The following TCF7L1 variants were observed in gnomAD, a reference collection of about 807,000 sequenced individuals.
The protein encoded by TCF7L1 is transcription factor 7-like 1.
A neutral mutation model predicts 63.7 loss-of-function variants in TCF7L1; 18 were observed. The observed-to-expected ratio is 0.28, with a 90% CI of 0.20 to 0.42. TCF7L1 has a LOEUF of 0.42. Ranked by LOEUF, TCF7L1 falls within the 10% of genes least tolerant of loss-of-function variation. The probability of loss-of-function intolerance (pLI) is 1.00; values close to 1 mark genes in which losing one functional copy is unlikely to be tolerated. For missense variants in TCF7L1, 654 were observed against 779.3 expected, an observed-to-expected ratio of 0.84 and a Z score of 1.91; for synonymous variants, 355 against 340.9, an observed-to-expected ratio of 1.04 and a Z score of -0.46.
At chr2:85,268,281 GACCGCTAATTGCCT>G (rs958538985) in intron 3 of TCF7L1, among the ~76,000 whole-genome samples, 1 of 152,128 alleles carries the variant, frequency 6.6e-6, no homozygotes, top group Non-Finnish European at 1.5e-5. Flanking sequence ...CCAGGAGTGT[GACCGCTAATTGCCT>G]TTGCAGACAA....
intron 3 of TCF7L1, among the ~76,000 whole-genome samples, chr2:85,246,569 G>T (rs1005099687): frequency 6.6e-6 from 1 of 152,170 alleles, no homozygotes; most frequent in Non-Finnish European, 1.5e-5. Context: ...TGAGGTGATG[G>T]ATTTGCCCCT....
At chr2:85,205,588 G>A (rs1679388928) in intron 3 of TCF7L1, among the ~76,000 whole-genome samples, 1 of 151,156 alleles carries the variant, frequency 6.6e-6, no homozygotes, top group South Asian at 2.1e-4. Flanking sequence ...CTGGAGTACA[G>A]TGGTGTAATC....
At chr2:85,173,883 C>T (rs763015285) in intron 3 of TCF7L1, among the ~76,000 whole-genome samples, 4 of 152,024 alleles carry the variant, frequency 2.6e-5, no homozygotes, top group African/African-American at 7.2e-5. Flanking sequence ...ATTACAGACC[C>T]GCACCACCAC....
intron 11 of TCF7L1, among the ~76,000 whole-genome samples, chr2:85,308,243 G>T (rs181330168): frequency 3.3e-5 from 5 of 152,042 alleles, no homozygotes; most frequent in Non-Finnish European, 5.9e-5. Context: ...ACACTGTGAC[G>T]ATTATTATTA....
intron 3 of TCF7L1, among the ~76,000 whole-genome samples, chr2:85,225,066 G>A (rs1342702041): frequency 6.6e-6 from 1 of 152,106 alleles, no homozygotes; most frequent in Non-Finnish European, 1.5e-5. Context: ...TTTTTGTCAG[G>A]TTTGTCAAAG....
chr2:85,133,715 GGC>G lies in TCF7L1; in HGVS notation c.33_34del (p.Gly12ArgfsTer43). The G allele has an allele frequency of 1.8e-6, 2 of 1,137,086 alleles. No individual in the cohort carries two copies. The highest frequency in any genetic ancestry group is 8.5e-5 in the South Asian group (2 of 23,526). 70.4% of individuals were successfully genotyped at this position (1,137,086 alleles called of 1,614,324 possible). On this transcript the variant is annotated frameshift_variant, in exon 1 of 12. Transcript: ENST00000282111. LOFTEE classifies it high-confidence loss of function. The surrounding 1 kb of genome is among the most constrained non-coding windows in gnomAD (Gnocchi z 4.4). MPQLGGGGGG[G>X]GGGSGGGGGS... ...CCAGCTCGGCGGCGGGGGCGGCGGC[GGC>G]GGCGGCGGCAGCGGGGGAGGCGGCG...
At chr2:85,192,746 C>T (rs2104266934) in intron 3 of TCF7L1, among the ~76,000 whole-genome samples, 1 of 151,250 alleles carries the variant, frequency 6.6e-6, no homozygotes, top group East Asian at 1.9e-4. Flanking sequence ...GTGATCACAG[C>T]TCATTGCAAC....
intron 3 of TCF7L1, among the ~76,000 whole-genome samples, chr2:85,255,055 C>T (rs1382323651): frequency 1.3e-5 from 2 of 152,168 alleles, no homozygotes; most frequent in Non-Finnish European, 2.9e-5. Context: ...AAGCAGCATA[C>T]AGAGAGATCG....
chr2:85,276,446 A>G (rs1681271914), intron 3 of TCF7L1, among the ~76,000 whole-genome samples: 1 of 152,210 alleles, frequency 6.6e-6, no homozygotes, highest in African/African-American at 2.4e-5. Context: ...ACATTATTCA[A>G]AATGCTCTCC....
At chr2:85,236,172 C>CT (rs199863668) in intron 3 of TCF7L1, among the ~76,000 whole-genome samples, 1,394 of 134,638 alleles carry the variant, frequency 0.01, 20 homozygotes, top group African/African-American at 0.051. Context: ...CATCCCCCCC[C>CT]CAAAAAAAAC....
chr2:85,247,695 A>G (rs914301256), intron 3 of TCF7L1, among the ~76,000 whole-genome samples: 1 of 152,210 alleles, frequency 6.6e-6, no homozygotes, highest in Non-Finnish European at 1.5e-5. Context: ...CGGGTGTCCT[A>G]TGGCTCTGTA....
rs62162856 is a variant in TCF7L1, at chr2:85,163,709, G to A, written c.441+29259G>A. ...GCTGGAAGTCTGAGATCAAGGTGTC[G>A]GCAGGGTTGGTTCCCTCTGAGGCTG... On this transcript the variant is annotated intron_variant, in intron 3 of 11. Coordinates refer to ENST00000282111, the MANE Select transcript of TCF7L1 (RefSeq NM_031283.3). 5.9e-3 allele frequency among the ~76,000 whole-genome samples: 893 copies of A among 152,210 alleles called. 14 individuals are homozygous for A. Among genetic ancestry groups the A allele is most frequent in the South Asian group, 0.032 (152 of 4,820 alleles).
At chr2:85,206,113 T>C (rs1679404170) in intron 3 of TCF7L1, among the ~76,000 whole-genome samples, 1 of 152,268 alleles carries the variant, frequency 6.6e-6, no homozygotes, top group Admixed American at 6.5e-5. Context: ...TCCTGTACCC[T>C]GTCTGCAGGG....
At chr2:85,307,874 T>C (rs1359739601) in intron 11 of TCF7L1, among the ~76,000 whole-genome samples, 157 bp downstream of exon 11, 1 of 152,166 alleles carries the variant, frequency 6.6e-6, no homozygotes, top group Non-Finnish European at 1.5e-5. Flanking sequence ...CTTAAGAGGC[T>C]CTGAGATGTG....
Position 85,308,910 on chromosome 2 carries a change from C to T in TCF7L1, c.1334-119C>T. On this transcript the variant is annotated intron_variant, in intron 11 of 11. Coordinates refer to ENST00000282111, the MANE Select transcript of TCF7L1 (RefSeq NM_031283.3). ...GTCTTGAAAGCCTTGGAAGTAATGT[C>T]AGGTCCTCGCCAAAATCATCCCTGT... 4.2e-6 allele frequency: 5 copies of T among 1,186,278 alleles called. No individual in the cohort carries two copies. The South Asian group carries it at 5.9e-5, about 14-fold the overall frequency. 73.5% of individuals were successfully genotyped at this position (1,186,278 alleles called of 1,614,324 possible).
intron 3 of TCF7L1, among the ~76,000 whole-genome samples, chr2:85,270,300 G>T (rs1681119552): frequency 6.6e-6 from 1 of 152,160 alleles, no homozygotes; most frequent in Non-Finnish European, 1.5e-5. Flanking sequence ...CCTGCTTTTG[G>T]TCAATGGACT....
intron 3 of TCF7L1, among the ~76,000 whole-genome samples, chr2:85,237,044 C>T (rs1246906648): frequency 2.0e-5 from 3 of 152,170 alleles, no homozygotes; most frequent in Non-Finnish European, 4.4e-5. Flanking sequence ...ACCATAGGCT[C>T]AGGAGAGGTG....
chr2:85,230,258 T>C (rs1238069089), intron 3 of TCF7L1, among the ~76,000 whole-genome samples: 1 of 152,228 alleles, frequency 6.6e-6, no homozygotes, highest in African/African-American at 2.4e-5. Context: ...ATGATTCTTA[T>C]GGATTAAGCT....
At chr2:85,300,220 TTTAA>T (rs1239921291) in intron 4 of TCF7L1, among the ~76,000 whole-genome samples, 1 of 152,222 alleles carries the variant, frequency 6.6e-6, no homozygotes, top group Non-Finnish European at 1.5e-5. Context: ...TTATGTATTT[TTTAA>T]TTGTGATTAT....
Sources: allele counts gnomAD v4.1 joint callset (sites outside exome capture counted in the v4.1 genomes callset), GRCh38; gene constraint gnomAD v4.1.1; non-coding constraint Gnocchi (gnomAD v3.1); transcripts MANE v1.5; gene names NCBI Gene and HGNC (gene_info 2026-07-23, HGNC 2026-07-21).